The following CDH20 variants were observed in gnomAD, a reference collection of about 807,000 sequenced individuals.
CDH20 encodes the protein cadherin-20.
A neutral mutation model predicts 74.2 loss-of-function variants in CDH20; 29 were observed. That is an observed-to-expected ratio of 0.39 (90% CI 0.29 to 0.53). CDH20 has a LOEUF of 0.53. CDH20 is among the 20% of genes least tolerant of loss of function. The pLI is 0.69. For synonymous variants in CDH20, 469 were observed against 405.4 expected, an observed-to-expected ratio of 1.16 and a Z score of -1.88; for missense variants, 988 against 1,048.3, an observed-to-expected ratio of 0.94 and a Z score of 0.79.
chr18:61,478,586 T>C (rs1226039909), intron 1 of CDH20, among the ~76,000 whole-genome samples: 1 of 152,196 alleles, frequency 6.6e-6, no homozygotes, highest in Admixed American at 6.5e-5. Context: ...TTCCGTGTAT[T>C]CTACTAACCC....
At chr18:61,357,473 G>T (rs79853006) in intron 1 of CDH20, among the ~76,000 whole-genome samples, 6,297 of 152,198 alleles carry the variant, frequency 0.041, 185 homozygotes, top group Non-Finnish European at 0.054. Context: ...AATCATTAAG[G>T]GGCCAAATTC....
chr18:61,364,273 C>T (rs975772396), intron 1 of CDH20, among the ~76,000 whole-genome samples: 2 of 152,006 alleles, frequency 1.3e-5, no homozygotes, highest in African/African-American at 2.4e-5. Flanking sequence ...AATAGATTAG[C>T]GTCCTCCATA....
chr18:61,344,881 T>C (rs1278487191), intron 1 of CDH20, among the ~76,000 whole-genome samples: 3 of 152,204 alleles, frequency 2.0e-5, no homozygotes, highest in African/African-American at 2.4e-5. Context: ...TCATTGGAGA[T>C]CATGCTCTCT....
At chr18:61,341,753 G>A (rs371404247) in intron 1 of CDH20, among the ~76,000 whole-genome samples, 18 of 152,178 alleles carry the variant, frequency 1.2e-4, no homozygotes, top group South Asian at 4.1e-4. Flanking sequence ...AAGGATGTTC[G>A]TCTTATAAAT....
At chr18:61,534,294 G>A (rs977195396) in intron 7 of CDH20, among the ~76,000 whole-genome samples, 1 of 152,196 alleles carries the variant, frequency 6.6e-6, no homozygotes, top group Admixed American at 6.5e-5. Flanking sequence ...GAGAATGTTA[G>A]TACAGCCATT....
At position 61,538,600 on chromosome 18, in the gene CDH20, TTG is replaced by T. The variant is rs869116581; in HGVS notation, c.1409-422_1409-421del. ...CTACTTTTTGTTTGTTTGTTTGTTT[TTG>T]TTTTTGTTTTTGTTTTTGTTTTGTT... On this transcript the variant is annotated intron_variant, in intron 8 of 11. Transcript: ENST00000262717. Among the ~76,000 whole-genome samples, 26 of 30,130 alleles carry T rather than the reference TTG, an allele frequency of 8.6e-4. 1 individual carries two copies. The highest frequency in any genetic ancestry group is 0.017 in the Middle Eastern group (1 of 58). 19.8% of individuals were successfully genotyped at this position (30,130 alleles called of 152,430 possible).
Position 61,478,497 on chromosome 18 carries a change from C to A in CDH20, c.-152-11905C>A, listed in dbSNP as rs568622246. On this transcript the variant is annotated intron_variant, in intron 1 of 11. Coordinates refer to ENST00000262717, the MANE Select transcript of CDH20 (RefSeq NM_031891.4). ...AAGGTTCTCTGGGAATCTTTCCCTA[C>A]CTTTCTTATAATACTGGGAACGCAG... 9.2e-5 allele frequency among the ~76,000 whole-genome samples: 14 copies of A among 152,236 alleles called. No homozygotes were observed. The South Asian group carries it at 1.7e-3, about 18-fold the overall frequency.
intron 1 of CDH20, among the ~76,000 whole-genome samples, chr18:61,349,208 C>A (rs1333479662): frequency 6.6e-6 from 1 of 152,198 alleles, no homozygotes; most frequent in Non-Finnish European, 1.5e-5. Context: ...GCTAAAAAAT[C>A]TCCTGTTTGA....
chr18:61,417,445 G>A (rs1467386813), intron 1 of CDH20, among the ~76,000 whole-genome samples: 1 of 151,830 alleles, frequency 6.6e-6, no homozygotes, highest in Non-Finnish European at 1.5e-5. Flanking sequence ...CAACAGAATA[G>A]TATTCAGTCA....
chr18:61,524,560 TGAA>T (rs1912319553), intron 6 of CDH20, among the ~76,000 whole-genome samples: 1 of 152,122 alleles, frequency 6.6e-6, no homozygotes, highest in African/African-American at 2.4e-5. Flanking sequence ...GTATCTCTAG[TGAA>T]GAATGGATAA....
At chr18:61,469,098 G>A (rs951280653) in intron 1 of CDH20, among the ~76,000 whole-genome samples, 2 of 152,268 alleles carry the variant, frequency 1.3e-5, no homozygotes, top group East Asian at 1.9e-4. Flanking sequence ...AACTGCAATA[G>A]CACTGTGATT....
Position 61,490,686 on chromosome 18 carries a change from G to A in CDH20, c.133G>A (p.Ala45Thr), listed in dbSNP as rs1311360835. The A allele has an allele frequency of 1.9e-6, 3 of 1,614,114 alleles. No homozygotes were observed. Among genetic ancestry groups the A allele is most frequent in the African/African-American group, 1.3e-5 (1 of 75,020 alleles). The change falls in exon 2 of 12, where the codon GCA (alanine) becomes ACA (threonine). Residue 45 changes from alanine (A) to threonine (T), a missense_variant. Ala to Thr is a moderately conservative substitution (Grantham distance 58). This residue lies in a region of CDH20 where 613 missense variants were observed against 755.2 expected (regional missense o/e 0.81). Coordinates refer to ENST00000262717, the MANE Select transcript of CDH20 (RefSeq NM_031891.4). ...DTPTPQGELE[A>T]LLSDKPQSHQ... ...CCCAACACCACAAGGTGAATTAGAA[G>A]CACTCCTGTCAGACAAGCCACAGTC...
intron 5 of CDH20, among the ~76,000 whole-genome samples, chr18:61,506,432 G>C (rs1911562437): frequency 6.6e-6 from 1 of 152,166 alleles, no homozygotes; most frequent in Non-Finnish European, 1.5e-5. Flanking sequence ...CTGATTCTTT[G>C]TGAAACTTGA....
chr18:61,512,926 T>G (rs1013534006), intron 6 of CDH20, among the ~76,000 whole-genome samples: 1 of 152,222 alleles, frequency 6.6e-6, no homozygotes, highest in African/African-American at 2.4e-5. Context: ...CGGCCAACTA[T>G]GTGGTCAATT....
intron 1 of CDH20, chr18:61,334,173 G>T (rs1441310256): frequency 2.0e-5 from 3 of 152,220 alleles, no homozygotes; most frequent in Non-Finnish European, 2.9e-5. Context: ...AGCGCGGCTT[G>T]TGGGGGCGCT....
intron 1 of CDH20, among the ~76,000 whole-genome samples, chr18:61,348,578 A>G (rs12608134): frequency 0.44 from 66,208 of 152,028 alleles, 16,431 homozygotes; most frequent in East Asian, 0.55. Context: ...CCCCTGAAAC[A>G]TACCACTGTG....
intron 1 of CDH20, among the ~76,000 whole-genome samples, chr18:61,430,861 C>A (rs867969385): frequency 5.3e-5 from 8 of 152,056 alleles, no homozygotes; most frequent in South Asian, 2.1e-4. Flanking sequence ...GTTTCCTGCC[C>A]CAATCCTAGA....
At chr18:61,425,337 G>C (rs1197879904) in intron 1 of CDH20, among the ~76,000 whole-genome samples, 1 of 152,204 alleles carries the variant, frequency 6.6e-6, no homozygotes, top group East Asian at 1.9e-4. Context: ...CTGACCCATA[G>C]AAAAGAAAGT....
intron 1 of CDH20, among the ~76,000 whole-genome samples, chr18:61,379,456 A>G (rs546978935): frequency 2.6e-5 from 4 of 152,332 alleles, no homozygotes; most frequent in Admixed American, 2.6e-4. Flanking sequence ...TTTAAGATAC[A>G]GAATATACAA....
Sources: allele counts gnomAD v4.1 joint callset (sites outside exome capture counted in the v4.1 genomes callset), GRCh38; gene constraint gnomAD v4.1.1; regional missense constraint gnomAD v4.1.1; transcripts MANE v1.5; gene names NCBI Gene and HGNC (gene_info 2026-07-23, HGNC 2026-07-21).